The following ARL6 variants were observed in gnomAD, a reference collection of about 807,000 sequenced individuals.
ARL6 encodes ARF like GTPase 6, also known as ADP-ribosylation factor-like protein 6.
ARL6 carries 18 observed loss-of-function variants against 27.1 expected under a neutral mutation model. The ratio of observed to expected loss-of-function variants is 0.66; its 90% CI spans 0.46 to 0.98. ARL6 has a LOEUF of 0.98. Ranked by LOEUF, ARL6 falls within the 50% of genes least tolerant of loss-of-function variation. The probability of loss-of-function intolerance (pLI) is 0.00; values close to 1 mark genes in which losing one functional copy is unlikely to be tolerated. For missense variants in ARL6, 187 were observed against 214.9 expected, an observed-to-expected ratio of 0.87 and a Z score of 0.81; for synonymous variants, 65 against 72.3, an observed-to-expected ratio of 0.90 and a Z score of 0.51.
At position 97,799,643 on chromosome 3, in the gene ARL6, T is replaced by C. The variant is rs2038163178; in HGVS notation, c.*1594T>C. Reference sequence around the variant, plus strand: ...TAATAAAATTAATAATAGTTACTACTATATGATCATTATATTATAAGCAGG... The same window carrying C: ...TAATAAAATTAATAATAGTTACTACCATATGATCATTATATTATAAGCAGG... On this transcript the variant is annotated 3_prime_UTR_variant, in exon 8 of 8. Transcript: ENST00000463745. 6.6e-6 allele frequency: 1 copy of C among 152,154 alleles called. No individual in the cohort carries two copies. The highest frequency in any genetic ancestry group is 2.1e-4 in the South Asian group (1 of 4,836). 9.4% of individuals were successfully genotyped at this position (152,154 alleles called of 1,614,324 possible).
intron 2 of ARL6, among the ~76,000 whole-genome samples, chr3:97,772,731 C>G (rs780603664): frequency 6.6e-6 from 1 of 151,034 alleles, no homozygotes; most frequent in East Asian, 2.0e-4. Context: ...AAGCGATTCT[C>G]CTGCCTCAGC....
chr3:97,785,861 G>T (rs549530620), intron 5 of ARL6, among the ~76,000 whole-genome samples: 1 of 152,206 alleles, frequency 6.6e-6, no homozygotes, highest in African/African-American at 2.4e-5. Context: ...AGGACTTTCA[G>T]AAAAGGATGG....
intron 7 of ARL6, among the ~76,000 whole-genome samples, chr3:97,797,519 A>G (rs1486022290): frequency 1.3e-5 from 2 of 152,180 alleles, no homozygotes; most frequent in African/African-American, 4.8e-5. Context: ...TGGGAGTGTG[A>G]GAGAGCTGAT....
chr3:97,768,602 T>A (rs1257030610), intron 2 of ARL6, among the ~76,000 whole-genome samples: 1 of 152,084 alleles, frequency 6.6e-6, no homozygotes, highest in Non-Finnish European at 1.5e-5. Context: ...GTATGCATAT[T>A]AGTAATAGTA....
In ARL6 at chr3:97,798,136, G is replaced by A. The variant is rs561583053; in HGVS notation, c.*87G>A. On this transcript the variant is annotated 3_prime_UTR_variant, in exon 8 of 8. Coordinates refer to ENST00000463745, the MANE Select transcript of ARL6 (RefSeq NM_001278293.3). The stretch of plus-strand genomic sequence containing the variant: ...AATACATTTTGTAAAAGATGTTTAT[G>A]CATCAAAAAATATAATTTTCTGCTT... The A allele has an allele frequency of 1.2e-4, 161 of 1,351,228 alleles. No homozygotes were observed. Among genetic ancestry groups the A allele is most frequent in the Non-Finnish European group, 1.5e-4 (146 of 949,086 alleles). 83.7% of individuals were successfully genotyped at this position (1,351,228 alleles called of 1,614,324 possible).
At chr3:97,781,672 G>A (rs2037208001) in intron 4 of ARL6, among the ~76,000 whole-genome samples, 1 of 152,032 alleles carries the variant, frequency 6.6e-6, no homozygotes, top group Non-Finnish European at 1.5e-5. Context: ...ACTAATAGCT[G>A]TCAAGTTACT....
chr3:97,774,025 C>T (rs924415959), intron 2 of ARL6, among the ~76,000 whole-genome samples: 2 of 152,296 alleles, frequency 1.3e-5, no homozygotes, highest in East Asian at 1.9e-4. Context: ...CATGGTAATA[C>T]AAAGAGATGC....
chr3:97,784,847 C>A, intron 4 of ARL6, 108 bp from the exon 5 acceptor site: 1 of 734,094 alleles, frequency 1.4e-6, no homozygotes, highest in Non-Finnish European at 2.4e-6. Context: ...GATATATGGA[C>A]ATAGGACATA....
At chr3:97,766,907 C>T (rs1330152628) in intron 1 of ARL6, among the ~76,000 whole-genome samples, 2 of 152,126 alleles carry the variant, frequency 1.3e-5, no homozygotes, top group African/African-American at 2.4e-5. Context: ...AGGGATCTAT[C>T]TCCCTGTCCT....
chr3:97,765,780 A>G (rs2036349660), intron 1 of ARL6, among the ~76,000 whole-genome samples: 1 of 152,222 alleles, frequency 6.6e-6, no homozygotes, highest in Non-Finnish European at 1.5e-5. Flanking sequence ...CATGGCTATC[A>G]GAGTAGGAAG....
At chr3:97,794,177 T>TTGTGTGTGTGTGTGTG (rs370867493) in intron 7 of ARL6, among the ~76,000 whole-genome samples, 13 of 137,480 alleles carry the variant, frequency 9.5e-5, no homozygotes, top group South Asian at 4.9e-4. Context: ...TTTCTTTCTT[T>TTGTGTGTGTGTGTGTG]TGTGTGTGTG....
At chr3:97,778,310 A>G (rs2037007885) in intron 2 of ARL6, among the ~76,000 whole-genome samples, 1 of 152,178 alleles carries the variant, frequency 6.6e-6, no homozygotes, top group African/African-American at 2.4e-5. Flanking sequence ...ACTAGATCAG[A>G]TCTTGGAATG....
At chr3:97,786,860 C>A (rs1177638425) in intron 5 of ARL6, among the ~76,000 whole-genome samples, 2 of 152,120 alleles carry the variant, frequency 1.3e-5, no homozygotes, top group African/African-American at 4.8e-5. Flanking sequence ...AGATTCTTGG[C>A]CTTTCTATTA....
intron 2 of ARL6, among the ~76,000 whole-genome samples, chr3:97,768,785 T>C (rs1384871568): frequency 6.6e-6 from 1 of 152,102 alleles, no homozygotes; most frequent in Non-Finnish European, 1.5e-5. Context: ...TGAGCCTTTA[T>C]GTTTGGACAA....
intron 2 of ARL6, among the ~76,000 whole-genome samples, chr3:97,779,168 T>C (rs1381316887): frequency 2.0e-5 from 3 of 152,302 alleles, no homozygotes; most frequent in African/African-American, 7.2e-5. Context: ...TTCAAGCCCT[T>C]ACCTCAACAT....
intron 7 of ARL6, among the ~76,000 whole-genome samples, chr3:97,797,214 A>G (rs766130503): frequency 6.6e-5 from 10 of 152,184 alleles, no homozygotes; most frequent in Non-Finnish European, 1.0e-4. Flanking sequence ...GTTCTTCAAG[A>G]AGGCAAAGTA....
intron 2 of ARL6, among the ~76,000 whole-genome samples, chr3:97,772,970 T>A (rs1454849218): frequency 3.9e-5 from 6 of 152,184 alleles, no homozygotes; most frequent in Admixed American, 6.5e-5. Flanking sequence ...TGGTTAGTAC[T>A]GGTTTTGCAG....
intron 2 of ARL6, among the ~76,000 whole-genome samples, chr3:97,771,060 T>C (rs2036614850): frequency 6.6e-6 from 1 of 152,040 alleles, no homozygotes. Context: ...GTGAATGTTA[T>C]TGGTATTTTG....
intron 2 of ARL6, among the ~76,000 whole-genome samples, chr3:97,778,505 T>C (rs986341095): frequency 7.2e-5 from 11 of 152,134 alleles, no homozygotes; most frequent in African/African-American, 2.2e-4. Context: ...GTGAATGTAA[T>C]AGTGTGAGGC....
Sources: allele counts gnomAD v4.1 joint callset (sites outside exome capture counted in the v4.1 genomes callset), GRCh38; gene constraint gnomAD v4.1.1; transcripts MANE v1.5; gene names NCBI Gene and HGNC (gene_info 2026-07-23, HGNC 2026-07-21).